MDGA2: variants seen among roughly 807,000 people sequenced by gnomAD.
MDGA2 encodes MAM domain-containing glycosylphosphatidylinositol anchor protein 2.
In MDGA2, 40 loss-of-function variants were observed where a neutral mutation model predicts 117.8. The observed-to-expected ratio is 0.34, with a 90% CI of 0.26 to 0.44. The LOEUF (loss-of-function observed/expected upper bound fraction) is 0.44, where lower values mean the gene tolerates loss of function less well. Ranked by LOEUF, MDGA2 falls within the 20% of genes least tolerant of loss-of-function variation. The probability of loss-of-function intolerance (pLI) is 1.00; values close to 1 mark genes in which losing one functional copy is unlikely to be tolerated. For synonymous variants in MDGA2, 452 were observed against 439.0 expected (o/e 1.03, Z -0.37); for missense variants, 1,123 against 1,250.6 (o/e 0.90, Z 1.54).
At chr14:47,043,840 C>A (rs1889162867) in intron 7 of MDGA2, among the ~76,000 whole-genome samples, 1 of 152,082 alleles carries the variant, frequency 6.6e-6, no homozygotes, top group Non-Finnish European at 1.5e-5. Flanking sequence ...ACCTCCCAAC[C>A]AATGATTGTT....
At chr14:47,594,400 C>T (rs1370432455) in intron 1 of MDGA2, among the ~76,000 whole-genome samples, 1 of 152,176 alleles carries the variant, frequency 6.6e-6, no homozygotes, top group Non-Finnish European at 1.5e-5. Flanking sequence ...GTCTTGAGAG[C>T]ATGTGCATAA....
intron 1 of MDGA2, among the ~76,000 whole-genome samples, chr14:47,425,287 G>A (rs1456270818): frequency 6.6e-6 from 1 of 152,062 alleles, no homozygotes; most frequent in Non-Finnish European, 1.5e-5. Flanking sequence ...TGGTAAAACA[G>A]GTTTTAAATA....
chr14:47,394,311 A>C (rs992737521), intron 1 of MDGA2, among the ~76,000 whole-genome samples: 4 of 152,166 alleles, frequency 2.6e-5, no homozygotes, highest in Non-Finnish European at 5.9e-5. Flanking sequence ...TAGTTTTTTA[A>C]GCCTGGACCA....
At chr14:47,296,145 A>G (rs7151248) in intron 2 of MDGA2, among the ~76,000 whole-genome samples, 13,852 of 152,110 alleles carry the variant, frequency 0.091, 775 homozygotes, top group Non-Finnish European at 0.11. Flanking sequence ...AGAGAAGAAA[A>G]AGACAAAGAG....
At chr14:47,550,322 G>A (rs867388680) in intron 1 of MDGA2, among the ~76,000 whole-genome samples, 5 of 152,234 alleles carry the variant, frequency 3.3e-5, no homozygotes, top group South Asian at 2.1e-4. Context: ...TGACTTCTTT[G>A]TGAATAAAAT....
chr14:46,957,156 C>T (rs1446615580), intron 9 of MDGA2, among the ~76,000 whole-genome samples: 4 of 152,108 alleles, frequency 2.6e-5, no homozygotes, highest in Non-Finnish European at 5.9e-5. Flanking sequence ...TACTAGAATT[C>T]AGATAACCTT....
At chr14:47,346,897 A>G (rs979765535) in intron 1 of MDGA2, among the ~76,000 whole-genome samples, 1 of 152,226 alleles carries the variant, frequency 6.6e-6, no homozygotes, top group African/African-American at 2.4e-5. Flanking sequence ...TTAGATGGTG[A>G]AGTATACAGA....
At chr14:47,210,405 C>T (rs12588795) in intron 3 of MDGA2, among the ~76,000 whole-genome samples, 33,171 of 152,098 alleles carry the variant, frequency 0.22, 4,078 homozygotes, top group East Asian at 0.33. Context: ...TTTAATCAAA[C>T]CCTAACCTTT....
intron 1 of MDGA2, among the ~76,000 whole-genome samples, chr14:47,650,856 G>A (rs373278285): frequency 6.6e-6 from 1 of 152,144 alleles, no homozygotes; most frequent in African/African-American, 2.4e-5. Context: ...GGTAGGTAGT[G>A]ACAGTTTTCT....
chr14:47,014,247 T>C (rs1888003719), intron 8 of MDGA2, among the ~76,000 whole-genome samples: 1 of 152,278 alleles, frequency 6.6e-6, no homozygotes, highest in South Asian at 2.1e-4. Flanking sequence ...TGTTGTTGCA[T>C]TTATGAAGCA....
At chr14:47,191,074 AT>A (rs202104371) in intron 3 of MDGA2, among the ~76,000 whole-genome samples, 3,064 of 152,134 alleles carry the variant, frequency 0.02, 49 homozygotes, top group Non-Finnish European at 0.033. Context: ...TGAATGTTAA[AT>A]TTTTTTAAGT....
Position 47,485,351 on chromosome 14 carries a change from T to C in MDGA2, c.281-183801A>G, listed in dbSNP as rs141305623. Among the ~76,000 whole-genome samples, 1,120 of 152,250 alleles carry C rather than the reference T, an allele frequency of 7.4e-3. 7 individuals carry two copies. The highest frequency in any genetic ancestry group is 0.011 in the Non-Finnish European group (752 of 68,008). ...ACTTGAGAGAGTGATTTAGGGCATA[T>C]GGTAGAAGGAATTTCTAAGCACTGA... On this transcript the variant is annotated intron_variant, in intron 1 of 16. Coordinates refer to ENST00000399232, the MANE Select transcript of MDGA2 (RefSeq NM_001113498.3).
In MDGA2 at chr14:47,594,360, G is replaced by A. The variant is rs937084319; in HGVS notation, c.280+80157C>T. Among the ~76,000 whole-genome samples the A allele has an allele frequency of 4.6e-5, 7 of 152,234 alleles. No homozygotes were observed. The East Asian group carries it at 1.2e-3, about 25-fold the overall frequency. On this transcript the variant is annotated intron_variant, in intron 1 of 16. Coordinates refer to ENST00000399232, the MANE Select transcript of MDGA2 (RefSeq NM_001113498.3). ...ACTGCTGGTGATAACTAATCCTACT[G>A]TGATTTTCATCATTAAGTGTTAGCA...
At chr14:46,862,603 G>A (rs1881556964) in intron 14 of MDGA2, among the ~76,000 whole-genome samples, 1 of 151,624 alleles carries the variant, frequency 6.6e-6, no homozygotes, top group Admixed American at 6.6e-5. Flanking sequence ...TCTTGAAATT[G>A]CCACATTTAC....
At chr14:47,213,516 G>A (rs1031291367) in intron 3 of MDGA2, among the ~76,000 whole-genome samples, 6 of 151,864 alleles carry the variant, frequency 4.0e-5, no homozygotes, top group African/African-American at 1.2e-4. Context: ...TAAAAAAAAC[G>A]TCATTTTGAC....
chr14:46,865,017 G>T (rs932896868), intron 14 of MDGA2, among the ~76,000 whole-genome samples: 5 of 151,750 alleles, frequency 3.3e-5, no homozygotes, highest in Admixed American at 6.6e-5. Context: ...TTAACTCCAA[G>T]GGAAAAAAAA....
At chr14:47,129,243 C>CT (rs1343844831) in intron 5 of MDGA2, among the ~76,000 whole-genome samples, 1 of 151,680 alleles carries the variant, frequency 6.6e-6, no homozygotes, top group Admixed American at 6.6e-5. Context: ...TATAGCTCCC[C>CT]CCCCGACCCC....
intron 1 of MDGA2, among the ~76,000 whole-genome samples, chr14:47,413,419 G>C (rs910599862): frequency 1.3e-5 from 2 of 152,040 alleles, no homozygotes; most frequent in Non-Finnish European, 2.9e-5. Flanking sequence ...GAAGGGCAGT[G>C]GGAAAGAAAG....
At chr14:47,571,215 T>C (rs905653828) in intron 1 of MDGA2, among the ~76,000 whole-genome samples, 8 of 152,144 alleles carry the variant, frequency 5.3e-5, no homozygotes, top group Admixed American at 5.2e-4. Flanking sequence ...TACCATCTCA[T>C]GCTGGTTAGA....
Sources: gnomAD v4.1 joint callset for allele counts (sites outside exome capture counted in the v4.1 genomes callset) on GRCh38, gnomAD v4.1.1 for gene constraint, MANE v1.5 for transcripts, NCBI Gene and HGNC (gene_info 2026-07-23, HGNC 2026-07-21) for gene names.